LSAMP: variants seen among roughly 807,000 people sequenced by gnomAD.
The protein encoded by LSAMP is limbic system-associated membrane protein.
A neutral mutation model predicts 38.6 loss-of-function variants in LSAMP; 7 were observed. That is an observed-to-expected ratio of 0.18 (90% confidence interval 0.10 to 0.34). The LOEUF (loss-of-function observed/expected upper bound fraction) is 0.34, where lower values mean the gene tolerates loss of function less well. Ranked by LOEUF, LSAMP falls within the 10% of genes least tolerant of loss-of-function variation. LSAMP has a pLI of 1.00. For synonymous variants in LSAMP, 154 were observed against 166.8 expected (o/e 0.92, Z 0.59); for missense variants, 313 against 420.0 (o/e 0.75, Z 2.23).
intron 1 of LSAMP, among the ~76,000 whole-genome samples, chr3:116,258,456 C>T (rs1041419448): frequency 2.0e-5 from 3 of 151,520 alleles, no homozygotes; most frequent in African/African-American, 7.3e-5. Context: ...ATTAGAAACC[C>T]GTAATCTTTA....
chr3:116,134,802 A>T (rs1400831363), intron 1 of LSAMP, among the ~76,000 whole-genome samples: 1 of 152,188 alleles, frequency 6.6e-6, no homozygotes, highest in African/African-American at 2.4e-5. Context: ...CAGAGAACTT[A>T]CCATCCTTGT....
At chr3:116,300,816 T>G (rs1435783657) in intron 1 of LSAMP, among the ~76,000 whole-genome samples, 1 of 152,114 alleles carries the variant, frequency 6.6e-6, no homozygotes, top group Admixed American at 6.5e-5. Context: ...CAATGATCTG[T>G]CAAGTCTCTT....
intron 3 of LSAMP, among the ~76,000 whole-genome samples, chr3:115,878,960 T>A (rs1211895524): frequency 6.6e-6 from 1 of 152,088 alleles, no homozygotes; most frequent in Non-Finnish European, 1.5e-5. Context: ...GCCTTGGTAT[T>A]TGCCATGTCT....
intron 3 of LSAMP, among the ~76,000 whole-genome samples, chr3:115,982,469 A>G (rs1576281403): frequency 6.6e-6 from 1 of 152,208 alleles, no homozygotes; most frequent in East Asian, 1.9e-4. Flanking sequence ...TATTTTAAAT[A>G]AAAAGGGGAA....
At chr3:116,031,307 A>C (rs575937414) in intron 2 of LSAMP, among the ~76,000 whole-genome samples, 1 of 152,206 alleles carries the variant, frequency 6.6e-6, no homozygotes, top group Non-Finnish European at 1.5e-5. Context: ...AGGGGATAAA[A>C]CAATAACAAT....
intron 1 of LSAMP, among the ~76,000 whole-genome samples, chr3:116,375,111 T>C (rs929455991): frequency 6.6e-6 from 1 of 151,986 alleles, no homozygotes; most frequent in African/African-American, 2.4e-5. Flanking sequence ...TGAAGTCATG[T>C]TATGATTTTC....
intron 3 of LSAMP, among the ~76,000 whole-genome samples, chr3:115,876,654 T>G (rs917524583): frequency 6.6e-6 from 1 of 152,100 alleles, no homozygotes; most frequent in Non-Finnish European, 1.5e-5. Flanking sequence ...ACTCTTAAGA[T>G]CTCCTCATCC....
intron 3 of LSAMP, among the ~76,000 whole-genome samples, chr3:115,916,782 A>C (rs1005421960): frequency 6.6e-6 from 1 of 152,210 alleles, no homozygotes; most frequent in African/African-American, 2.4e-5. Flanking sequence ...AGATTTTGTC[A>C]CTTGCCTAAG....
chr3:115,839,258 TTTCTTTCCTTCCTTCC>T (rs374498038), intron 6 of LSAMP, among the ~76,000 whole-genome samples: 1,990 of 105,204 alleles, frequency 0.019, 49 homozygotes, highest in African/African-American at 0.037. Context: ...TCCTTCCTTC[TTTCTTTCCTTCCTTCC>T]TTCCTTCCTT....
chr3:116,096,526 T>C (rs191188114), intron 1 of LSAMP, among the ~76,000 whole-genome samples: 115 of 152,350 alleles, frequency 7.5e-4, no homozygotes, highest in Non-Finnish European at 1.3e-3. Flanking sequence ...TGATGCAGCA[T>C]GGTTATAGTG....
In LSAMP at chr3:116,222,720, C is replaced by CTTTTTT. The variant is rs71141863; in HGVS notation, c.156-136170_156-136165dup. On this transcript the variant is annotated intron_variant, in intron 1 of 6. Coordinates refer to ENST00000490035, the MANE Select transcript of LSAMP (RefSeq NM_002338.5). ...TTTTTTGCTCACCTTTCATCCTCTC[C>CTTTTTT]TTTTTTTTTTTTTTTTTTTTTTTTT... Among the ~76,000 whole-genome samples, 20 of 49,942 alleles carry CTTTTTT rather than the reference C, an allele frequency of 4.0e-4. 5 individuals are homozygous for CTTTTTT. The highest frequency in any genetic ancestry group is 1.9e-3 in the South Asian group (2 of 1,040). 32.8% of individuals were successfully genotyped at this position (49,942 alleles called of 152,430 possible).
chr3:115,840,726 T>C (rs941216490), intron 6 of LSAMP, among the ~76,000 whole-genome samples: 5 of 152,236 alleles, frequency 3.3e-5, no homozygotes, highest in African/African-American at 1.2e-4. Context: ...ATTGATTTTT[T>C]TTCTAAAAAT....
chr3:115,963,051 T>C (rs1421363297), intron 3 of LSAMP, among the ~76,000 whole-genome samples: 1 of 152,248 alleles, frequency 6.6e-6, no homozygotes, highest in African/African-American at 2.4e-5. Context: ...AGGTTATTTA[T>C]ATATTTAAAT....
At chr3:116,019,789 C>T in intron 2 of LSAMP, 149 bp from the exon 3 acceptor site, 1 of 785,768 alleles carries the variant, frequency 1.3e-6, no homozygotes, top group South Asian at 1.6e-5. Flanking sequence ...CCATGCTTGC[C>T]ATCTGCTTAC....
At chr3:116,356,643 T>A (rs1183976794) in intron 1 of LSAMP, among the ~76,000 whole-genome samples, 2 of 152,126 alleles carry the variant, frequency 1.3e-5, no homozygotes, top group Non-Finnish European at 2.9e-5. Flanking sequence ...AGAAAACACA[T>A]TTTTCTCTGT....
intron 1 of LSAMP, among the ~76,000 whole-genome samples, chr3:116,210,459 C>G (rs575101454): frequency 1.3e-5 from 2 of 152,292 alleles, no homozygotes; most frequent in East Asian, 1.9e-4. Flanking sequence ...GAACATCAGA[C>G]GGCAAGTTCT....
At chr3:116,054,712 C>CA (rs952706106) in intron 2 of LSAMP, among the ~76,000 whole-genome samples, 3 of 151,760 alleles carry the variant, frequency 2.0e-5, no homozygotes, top group Non-Finnish European at 4.4e-5. Flanking sequence ...ATAATTTTTG[C>CA]AAAAAAATGT....
In LSAMP at chr3:115,852,508, G is replaced by A; in HGVS notation, c.624C>T (p.Val208=). The A allele has an allele frequency of 1.9e-6, 3 of 1,612,816 alleles. No individual in the cohort carries two copies. Among genetic ancestry groups the A allele is most frequent in the Non-Finnish European group, 2.5e-6 (3 of 1,179,420 alleles). Residue 208 remains valine, a synonymous_variant, in exon 4 of 7, where the codon GTC becomes GTT. Transcript: ENST00000490035. ...AGTTCACAGTGACCTTGACTTGTTT[G>A]ACATCCGCCGAGGAGACCTCGTTGG... ...KAANEVSSAD[V]KQVKVTVNYP...
chr3:116,074,912 C>T (rs62269160), intron 2 of LSAMP, among the ~76,000 whole-genome samples: 6 of 141,702 alleles, frequency 4.2e-5, no homozygotes, highest in Non-Finnish European at 7.5e-5. Context: ...GGTGCGATCT[C>T]GGCTCACCGC....
Sources: allele counts gnomAD v4.1 joint callset (sites outside exome capture counted in the v4.1 genomes callset), GRCh38; gene constraint gnomAD v4.1.1; transcripts MANE v1.5; gene names NCBI Gene and HGNC (gene_info 2026-07-23, HGNC 2026-07-21).